Variants in HERC4 observed in about 807,000 individuals in gnomAD.
HERC4 encodes the protein probable E3 ubiquitin-protein ligase HERC4.
In HERC4, 28 loss-of-function variants were observed where a neutral mutation model predicts 124.3. That is an observed-to-expected ratio of 0.23 (90% CI 0.17 to 0.31). HERC4 has a LOEUF of 0.31. HERC4 is among the 10% of genes least tolerant of loss of function. HERC4 has a pLI of 1.00. For synonymous variants in HERC4, 407 were observed against 421.5 expected, an observed-to-expected ratio of 0.97 and a Z score of 0.42; for missense variants, 713 against 1,229.3, an observed-to-expected ratio of 0.58 and a Z score of 6.28.
intron 21 of HERC4, among the ~76,000 whole-genome samples, chr10:67,938,244 C>G (rs2032548216): frequency 6.6e-6 from 1 of 151,200 alleles, no homozygotes; most frequent in East Asian, 2.0e-4. Flanking sequence ...AGATTGGGAC[C>G]ATCCTGGCCA....
In HERC4 at chr10:67,926,423, A is replaced by T. The variant is rs527895932; in HGVS notation, c.2839-1236T>A. 1.1e-3 allele frequency among the ~76,000 whole-genome samples: 161 copies of T among 149,302 alleles called. 1 individual carries two copies. Among genetic ancestry groups the T allele is most frequent in the South Asian group, 1.9e-3 (9 of 4,622 alleles). On this transcript the variant is annotated intron_variant, in intron 23 of 24. Coordinates refer to ENST00000373700, the MANE Select transcript of HERC4 (RefSeq NM_015601.4). ...AATAAAAAAAATAAAAAATAAAAAA[A>T]AAAAAAAACAAAAAAATTAGTACTA...
intron 3 of HERC4, among the ~76,000 whole-genome samples, chr10:68,046,364 C>T (rs2040012685): frequency 6.6e-6 from 1 of 152,116 alleles, no homozygotes; most frequent in African/African-American, 2.4e-5. Context: ...TTAATAGCAT[C>T]AGCTATAAAG....
intron 5 of HERC4, among the ~76,000 whole-genome samples, chr10:68,036,183 T>A (rs1201593819): frequency 1.3e-5 from 2 of 151,688 alleles, no homozygotes; most frequent in African/African-American, 4.8e-5. Context: ...CCAGGCCTGG[T>A]GGCAGGCGCC....
chr10:67,996,278 T>G (rs1167127689), intron 9 of HERC4: 2 of 329,054 alleles, frequency 6.1e-6, no homozygotes, highest in Non-Finnish European at 1.2e-5. Flanking sequence ...TTACAAAATA[T>G]ATTGTCAGGG....
At chr10:67,942,409 A>G (rs985865529) in intron 19 of HERC4, among the ~76,000 whole-genome samples, 1 of 152,208 alleles carries the variant, frequency 6.6e-6, no homozygotes, top group African/African-American at 2.4e-5. Context: ...ATAGTTTGAA[A>G]TATTTCCCTA....
At chr10:67,953,236 C>T (rs892672357) in intron 19 of HERC4, among the ~76,000 whole-genome samples, 2 of 152,020 alleles carry the variant, frequency 1.3e-5, no homozygotes, top group Admixed American at 1.3e-4. Context: ...CAAGCAATCC[C>T]TAAAAATAAG....
chr10:68,053,170 A>T (rs1481039287), intron 3 of HERC4, among the ~76,000 whole-genome samples: 1 of 152,192 alleles, frequency 6.6e-6, no homozygotes, highest in African/African-American at 2.4e-5. Flanking sequence ...ATATTGAATC[A>T]TTGCCCCCGA....
intron 3 of HERC4, among the ~76,000 whole-genome samples, chr10:68,057,532 G>T (rs1296167914): frequency 2.0e-5 from 3 of 151,194 alleles, no homozygotes; most frequent in African/African-American, 7.3e-5. Flanking sequence ...GCTGAGGCAG[G>T]AGAATCGCTT....
At chr10:68,048,628 T>TA (rs2040134177) in intron 3 of HERC4, among the ~76,000 whole-genome samples, 1 of 152,186 alleles carries the variant, frequency 6.6e-6, no homozygotes, top group Non-Finnish European at 1.5e-5. Context: ...TGTGTAACAC[T>TA]AAAAATGAAC....
intron 8 of HERC4, among the ~76,000 whole-genome samples, chr10:68,015,288 T>C (rs1478179481): frequency 2.0e-5 from 3 of 152,208 alleles, no homozygotes; most frequent in African/African-American, 7.2e-5. Flanking sequence ...GCTGAGGCCA[T>C]CCTAGACTTC....
At chr10:68,060,957 T>C (rs1014476086) in intron 3 of HERC4, among the ~76,000 whole-genome samples, 4 of 152,092 alleles carry the variant, frequency 2.6e-5, no homozygotes, top group Non-Finnish European at 5.9e-5. Flanking sequence ...TAATAATGTA[T>C]AGGTAAAGTA....
intron 15 of HERC4, among the ~76,000 whole-genome samples, chr10:67,978,308 A>T (rs1365123749): frequency 2.0e-5 from 3 of 152,178 alleles, no homozygotes; most frequent in African/African-American, 7.2e-5. Context: ...TCAAGGAAAC[A>T]CTGGCAGTAT....
rs201796275 is a variant in HERC4 at position 68,006,379 on chromosome 10, T to TTG, written c.1069+7646_1069+7647insCA. ...AGCGTTTTTGTTTTTGTTTTTGTTT[T>TTG]TTTTTTTTTTTTGAGACAGTTTCCT... On this transcript the variant is annotated intron_variant, in intron 9 of 24. Coordinates refer to ENST00000373700, the MANE Select transcript of HERC4 (RefSeq NM_015601.4). Among the ~76,000 whole-genome samples, 155 of 150,206 alleles carry TTG rather than the reference T, an allele frequency of 1.0e-3. 4 individuals are homozygous for TTG. In the East Asian group the frequency reaches 0.027, roughly 26 times the overall value.
intron 9 of HERC4, among the ~76,000 whole-genome samples, chr10:68,004,062 C>T (rs1308146106): frequency 6.6e-6 from 1 of 152,066 alleles, no homozygotes; most frequent in African/African-American, 2.4e-5. Context: ...TGAGATAATA[C>T]CTCATTTTAG....
In HERC4 at chr10:68,038,122, C is replaced by T; in HGVS notation, c.434G>A (p.Gly145Asp). Residue 145 changes from glycine (G) to aspartate (D), a missense_variant, in exon 5 of 25, where the codon GGT becomes GAT. Gly to Asp is a moderately conservative substitution (Grantham distance 94, BLOSUM62 -1). Coordinates refer to ENST00000373700, the MANE Select transcript of HERC4 (RefSeq NM_015601.4). ...AGAAAGTGCAAGTGAATGATAGTAA[C>T]CACAAGCAACCTGTACAATCTGGAT... ...SDIQIVQVACGYYHSLALSKA... is the reference protein window; with the variant it reads ...SDIQIVQVACDYYHSLALSKA... 1 of 1,541,756 alleles carries T rather than the reference C, an allele frequency of 6.5e-7. No individual in the cohort carries two copies. Among genetic ancestry groups the T allele is most frequent in the Non-Finnish European group, 8.7e-7 (1 of 1,148,368 alleles).
At chr10:68,003,327 A>G (rs1195381924) in intron 9 of HERC4, among the ~76,000 whole-genome samples, 2 of 88,102 alleles carry the variant, frequency 2.3e-5, no homozygotes, top group Non-Finnish European at 5.2e-5. Flanking sequence ...ATGCCTGACT[A>G]ATTTTTTTTT....
chr10:68,072,690 T>TA (rs993087382), intron 3 of HERC4, among the ~76,000 whole-genome samples, 193 bp downstream of exon 3: 21 of 150,232 alleles, frequency 1.4e-4, no homozygotes, highest in African/African-American at 2.0e-4. Flanking sequence ...ATACTAGTAG[T>TA]AAAAAAAAAG....
chr10:67,956,966 A>T lies in HERC4; in HGVS notation c.1937T>A (p.Ile646Asn), dbSNP rs1026185183. The change falls in exon 17 of 25, where the codon ATC (isoleucine) becomes AAC (asparagine). Residue 646 changes from isoleucine (I) to asparagine (N), a missense_variant. Ile to Asn is a moderately radical substitution (Grantham distance 149). Transcript: ENST00000373700. Reference sequence around the variant, plus strand: ...TGGATATGTACAGATTGTAACAGGGATATCTGCCAACTGGAAATAAAAAAT... The same window carrying T: ...TGGATATGTACAGATTGTAACAGGGTTATCTGCCAACTGGAAATAAAAAAT... Reference protein sequence around the residue: ...QQQAYGMLADIPVTICTYPFV... With the variant: ...QQQAYGMLADNPVTICTYPFV... 3 of 1,562,032 alleles carry T rather than the reference A, an allele frequency of 1.9e-6. No individual in the cohort carries two copies. Among genetic ancestry groups the T allele is most frequent in the Non-Finnish European group, 2.6e-6 (3 of 1,155,544 alleles).
At chr10:67,927,156 A>C (rs116720505) in intron 23 of HERC4, among the ~76,000 whole-genome samples, 1,638 of 152,122 alleles carry the variant, frequency 0.011, 29 homozygotes, top group African/African-American at 0.037. Context: ...GAATTTATGG[A>C]ATTTATTCAA....
Sources: allele counts gnomAD v4.1 joint callset (sites outside exome capture counted in the v4.1 genomes callset), GRCh38; gene constraint gnomAD v4.1.1; transcripts MANE v1.5; gene names NCBI Gene and HGNC (gene_info 2026-07-23, HGNC 2026-07-21).